Variants in C3orf70 observed in about 807,000 individuals in gnomAD.
The protein encoded by C3orf70 is UPF0524 protein C3orf70.
A neutral mutation model predicts 20.7 loss-of-function variants in C3orf70; 15 were observed. That is an observed-to-expected ratio of 0.72 (90% CI 0.48 to 1.11). The LOEUF (loss-of-function observed/expected upper bound fraction) is 1.11. Ranked by LOEUF, C3orf70 falls within the 50% of genes most tolerant of loss-of-function variation. C3orf70 has a pLI of 0.00. For synonymous variants in C3orf70, 161 were observed against 125.7 expected (o/e 1.28, Z -1.88); for missense variants, 332 against 317.6 (o/e 1.05, Z -0.34).
Position 185,139,603 on chromosome 3 carries a change from T to C in C3orf70, c.196+13025A>G, listed in dbSNP as rs533664142. 2.0e-5 allele frequency among the ~76,000 whole-genome samples: 3 copies of C among 149,896 alleles called. No individual in the cohort carries two copies. The East Asian group carries it at 5.8e-4, about 29-fold the overall frequency. On this transcript the variant is annotated intron_variant, in intron 1 of 1. Transcript: ENST00000335012. ...CAACTAAAGACTTCTTATACAGCTA[T>C]AGTAGGCAAGATTGTATGGTACTGG... is the stretch of plus-strand genomic sequence containing the variant.
intron 1 of C3orf70, among the ~76,000 whole-genome samples, chr3:185,097,922 T>C (rs150534369): frequency 2.0e-5 from 3 of 152,226 alleles, no homozygotes; most frequent in East Asian, 1.9e-4. Flanking sequence ...TTACAGCAGA[T>C]AACTTTATGG....
intron 1 of C3orf70, among the ~76,000 whole-genome samples, chr3:185,150,129 C>A (rs13078851): frequency 0.06 from 9,066 of 152,152 alleles, 375 homozygotes; most frequent in South Asian, 0.1. Flanking sequence ...TCATTACACC[C>A]ATATACAAGA....
intron 1 of C3orf70, among the ~76,000 whole-genome samples, chr3:185,093,001 AAAAAAG>A (rs932025599): frequency 6.6e-5 from 10 of 152,276 alleles, no homozygotes; most frequent in South Asian, 2.1e-4. Context: ...AAAAAAAAAA[AAAAAAG>A]AAAGGGACAA....
In C3orf70 at chr3:185,150,742, G is replaced by A. The variant is rs570863784; in HGVS notation, c.196+1886C>T. Reference sequence around the variant, plus strand: ...AACTGGAATATTGTCTACCTTTCTAGGGGCCACAGTCTTCAAAGGATCAAA... The same window carrying A: ...AACTGGAATATTGTCTACCTTTCTAAGGGCCACAGTCTTCAAAGGATCAAA... On this transcript the variant is annotated intron_variant, in intron 1 of 1. Coordinates refer to ENST00000335012, the MANE Select transcript of C3orf70 (RefSeq NM_001025266.3). Among the ~76,000 whole-genome samples the A allele has an allele frequency of 4.6e-4, 70 of 152,286 alleles. 3 individuals carry two copies. In the South Asian group the frequency reaches 0.015, roughly 32 times the overall value.
At chr3:185,093,279 G>A (rs1383860343) in intron 1 of C3orf70, among the ~76,000 whole-genome samples, 1 of 152,196 alleles carries the variant, frequency 6.6e-6, no homozygotes, top group African/African-American at 2.4e-5. Flanking sequence ...ACACCCTCAA[G>A]TATGGGCAGC....
intron 1 of C3orf70, among the ~76,000 whole-genome samples, chr3:185,147,606 G>A (rs148928302): frequency 1.6e-3 from 249 of 152,302 alleles, no homozygotes; most frequent in Non-Finnish European, 2.1e-3. Flanking sequence ...CTATGTGCCC[G>A]TGGAAAAGCT....
At position 185,129,098 on chromosome 3, in the gene C3orf70, A is replaced by G. The variant is rs150596749; in HGVS notation, c.196+23530T>C. Among the ~76,000 whole-genome samples, 327 of 152,296 alleles carry G rather than the reference A, an allele frequency of 2.1e-3. 1 individual carries two copies. The highest frequency in any genetic ancestry group is 7.6e-3 in the African/African-American group (316 of 41,562). On this transcript the variant is annotated intron_variant, in intron 1 of 1. Coordinates refer to ENST00000335012, the MANE Select transcript of C3orf70 (RefSeq NM_001025266.3). ...ACAAATACTATTAAATACATTAGAC[A>G]TGACTTTTTAAAATTACAGTTTTTA... is the stretch of plus-strand genomic sequence containing the variant.
At chr3:185,125,415 AACAACAACAACAAC>A (rs1553921217) in intron 1 of C3orf70, among the ~76,000 whole-genome samples, 3 of 151,650 alleles carry the variant, frequency 2.0e-5, no homozygotes, top group Non-Finnish European at 4.4e-5. Context: ...CAACAACAAC[AACAACAACAACAAC>A]AAAAACCAGT....
chr3:185,143,829 T>G (rs1716803731), intron 1 of C3orf70, among the ~76,000 whole-genome samples: 1 of 152,180 alleles, frequency 6.6e-6, no homozygotes, highest in Admixed American at 6.5e-5. Context: ...ACTTGAATCC[T>G]TTGAAACTTG....
At chr3:185,115,016 T>C (rs1448085309) in intron 1 of C3orf70, among the ~76,000 whole-genome samples, 2 of 152,238 alleles carry the variant, frequency 1.3e-5, no homozygotes, top group Non-Finnish European at 2.9e-5. Context: ...AAGGTTAGAA[T>C]AGATCAGTGA....
chr3:185,086,293 T>C (rs1305306284), intron 1 of C3orf70, among the ~76,000 whole-genome samples: 4 of 152,204 alleles, frequency 2.6e-5, no homozygotes, highest in African/African-American at 9.7e-5. Context: ...AAAGCTCTGT[T>C]TTTCTTTCTT....
intron 1 of C3orf70, among the ~76,000 whole-genome samples, chr3:185,095,759 A>G (rs560322007): frequency 7.4e-6 from 1 of 135,668 alleles, no homozygotes; most frequent in Non-Finnish European, 1.5e-5. Context: ...TTTTTTTGAG[A>G]CGGAGTCTTG....
At chr3:185,090,007 GAAAC>G (rs1484431322) in intron 1 of C3orf70, among the ~76,000 whole-genome samples, 5 of 152,072 alleles carry the variant, frequency 3.3e-5, no homozygotes, top group East Asian at 1.9e-4. Flanking sequence ...GTTGAAAAAA[GAAAC>G]AAAGAGTTAT....
chr3:185,087,943 T>C (rs998492330), intron 1 of C3orf70, among the ~76,000 whole-genome samples: 6 of 149,412 alleles, frequency 4.0e-5, no homozygotes, highest in East Asian at 2.0e-4. Flanking sequence ...ATGGAGTCTC[T>C]CTCTGCTGCG....
At chr3:185,139,621 G>C (rs1414022132) in intron 1 of C3orf70, among the ~76,000 whole-genome samples, 1 of 151,760 alleles carries the variant, frequency 6.6e-6, no homozygotes, top group Non-Finnish European at 1.5e-5. Flanking sequence ...AAGATTGTAT[G>C]GTACTGGCAG....
chr3:185,086,034 G>C (rs978231371), intron 1 of C3orf70, among the ~76,000 whole-genome samples: 1 of 152,208 alleles, frequency 6.6e-6, no homozygotes, highest in Non-Finnish European at 1.5e-5. Context: ...TAAGTAACCT[G>C]TGGTTTAGTT....
intron 1 of C3orf70, among the ~76,000 whole-genome samples, chr3:185,083,863 T>A (rs1715406303): frequency 6.6e-6 from 1 of 152,200 alleles, no homozygotes; most frequent in Admixed American, 6.5e-5. Flanking sequence ...CTTTAAGTAA[T>A]TTACTCATTA....
At chr3:185,124,427 C>T (rs1716367849) in intron 1 of C3orf70, among the ~76,000 whole-genome samples, 2 of 152,152 alleles carry the variant, frequency 1.3e-5, no homozygotes, top group African/African-American at 4.8e-5. Flanking sequence ...CTCGCACTGC[C>T]TGATTTCAAG....
chr3:185,134,466 G>A (rs757466202), intron 1 of C3orf70, among the ~76,000 whole-genome samples: 3 of 152,112 alleles, frequency 2.0e-5, no homozygotes, highest in Non-Finnish European at 2.9e-5. Context: ...GCAACCACAC[G>A]GTAGTGAGTT....
Sources: allele counts gnomAD v4.1 joint callset (sites outside exome capture counted in the v4.1 genomes callset), GRCh38; gene constraint gnomAD v4.1.1; transcripts MANE v1.5; gene names NCBI Gene and HGNC (gene_info 2026-07-23, HGNC 2026-07-21).